The following COPB1 variants were observed in gnomAD, a reference collection of about 807,000 sequenced individuals.
COPB1 encodes coatomer subunit beta.
A neutral mutation model predicts 108.7 loss-of-function variants in COPB1; 21 were observed. The ratio of observed to expected loss-of-function variants is 0.19; its 90% CI spans 0.14 to 0.28. COPB1 has a LOEUF of 0.28. Among genes scored for constraint, COPB1 ranks in the 10% least tolerant of loss-of-function variants. The probability of loss-of-function intolerance (pLI) is 1.00; values close to 1 mark genes in which losing one functional copy is unlikely to be tolerated. For missense variants in COPB1, 919 were observed against 1,141.3 expected (o/e 0.81, Z 2.81); for synonymous variants, 378 against 386.8 (o/e 0.98, Z 0.27).
In COPB1 at chr11:14,464,900, C is replaced by T. The variant is rs1360771687; in HGVS notation, c.2410+11G>A. ...TATTCAAACATTACATGCCATAAAA[C>T]AGCACCTTACCTATATTACCAAAAA... On this transcript the variant is annotated intron_variant, in intron 18 of 21. Transcript: ENST00000439561. 1.9e-6 allele frequency: 3 copies of T among 1,609,944 alleles called. No homozygotes were observed. The highest frequency in any genetic ancestry group is 1.1e-5 in the South Asian group (1 of 90,920).
At chr11:14,477,841 G>A (rs911622588) in intron 11 of COPB1, among the ~76,000 whole-genome samples, 3 of 149,844 alleles carry the variant, frequency 2.0e-5, no homozygotes, top group Non-Finnish European at 4.4e-5. Context: ...CGGTTGCAGT[G>A]AGCCGAGATC....
intron 1 of COPB1, chr11:14,499,491 A>AG (rs1241227118): frequency 2.0e-5 from 3 of 151,218 alleles, no homozygotes; most frequent in African/African-American, 7.3e-5. Context: ...GGGTACGCCT[A>AG]GGGGTCTTGG....
chr11:14,461,470 T>C (rs1565010627), intron 18 of COPB1, 139 bp from the exon 19 acceptor site: 1 of 761,826 alleles, frequency 1.3e-6, no homozygotes, highest in Non-Finnish European at 2.0e-6. Flanking sequence ...CAGAGCTCTA[T>C]TCTACATGCT....
rs191111636 is a variant in COPB1 at position 14,462,389 on chromosome 11, C to T, written c.2411-1058G>A. ...CTGGGACCACAGGCGCCTGCCACCG[C>T]GCCTGGCTAATTTTTTGTATTTTTA... On this transcript the variant is annotated intron_variant, in intron 18 of 21. Coordinates refer to ENST00000439561, the MANE Select transcript of COPB1 (RefSeq NM_001144061.2). Among the ~76,000 whole-genome samples the T allele has an allele frequency of 2.6e-5, 4 of 152,140 alleles. No homozygotes were observed. The East Asian group carries it at 5.8e-4, about 22-fold the overall frequency.
intron 4 of COPB1, among the ~76,000 whole-genome samples, chr11:14,492,643 C>T (rs538319473): frequency 1.3e-5 from 2 of 152,156 alleles, no homozygotes; most frequent in Admixed American, 6.5e-5. Flanking sequence ...ACGCCTGGCT[C>T]ATCTACATTA....
chr11:14,493,910 A>G (rs1396806212), intron 3 of COPB1, 99 bp from the exon 4 acceptor site: 7 of 1,100,438 alleles, frequency 6.4e-6, no homozygotes, highest in Middle Eastern at 2.9e-4. Context: ...TACGTTTGAG[A>G]AAAAACCTAG....
chr11:14,469,613 G>C (rs1310721192), intron 14 of COPB1, 50 bp from the exon 15 acceptor site: 1 of 1,427,894 alleles, frequency 7.0e-7, no homozygotes, highest in Non-Finnish European at 9.8e-7. Context: ...TTCTCAGATT[G>C]CAATCATGTC....
chr11:14,490,662 A>G lies in COPB1; in HGVS notation c.509T>C (p.Ile170Thr), dbSNP rs1850878311. The G allele has an allele frequency of 1.2e-6, 2 of 1,603,868 alleles. No homozygotes were observed. The highest frequency in any genetic ancestry group is 8.5e-7 in the Non-Finnish European group (1 of 1,176,000). The change falls in exon 5 of 22, where the codon ATA (isoleucine) becomes ACA (threonine). Residue 170 changes from isoleucine (I) to threonine (T), a missense_variant. Ile to Thr is a moderately conservative substitution (Grantham distance 89). Around this residue, in one of 5 missense-constraint regions of COPB1, gnomAD observed 78 missense variants for 95.4 expected, o/e 0.82. Coordinates refer to ENST00000439561, the MANE Select transcript of COPB1 (RefSeq NM_001144061.2). ...YTIYRNFEHL[I>T]PDAPELIHDF... is the part of the protein sequence containing the mutation. Reference sequence around the variant, plus strand: ...ATGTATCAGTTCAGGAGCATCAGGTATAAGATGTTCAAAATTTCTTTAAAT... The same window carrying G: ...ATGTATCAGTTCAGGAGCATCAGGTGTAAGATGTTCAAAATTTCTTTAAAT...
At chr11:14,492,204 A>C (rs1039105453) in intron 4 of COPB1, among the ~76,000 whole-genome samples, 1 of 152,158 alleles carries the variant, frequency 6.6e-6, no homozygotes, top group African/African-American at 2.4e-5. Context: ...TCCTAATATC[A>C]AGACATAGTG....
chr11:14,462,429 T>C (rs1438775601), intron 18 of COPB1, among the ~76,000 whole-genome samples: 1 of 152,132 alleles, frequency 6.6e-6, no homozygotes, highest in Non-Finnish European at 1.5e-5. Flanking sequence ...AGATGTGGTT[T>C]CACCATCTTG....
chr11:14,490,860 G>A (rs1253644167), intron 4 of COPB1, among the ~76,000 whole-genome samples, 181 bp from the exon 5 acceptor site: 2 of 151,440 alleles, frequency 1.3e-5, no homozygotes, highest in African/African-American at 4.9e-5. Flanking sequence ...TGCGATCTCA[G>A]CTCACTGCTG....
chr11:14,477,896 C>CAAAAAAAA (rs1289045044), intron 11 of COPB1, among the ~76,000 whole-genome samples: 1 of 59,888 alleles, frequency 1.7e-5, no homozygotes, highest in African/African-American at 6.4e-5. Context: ...GACTCCATCT[C>CAAAAAAAA]AAAAAAAAAA....
chr11:14,475,768 T>C lies in COPB1; in HGVS notation c.1616+17A>G, dbSNP rs1850507232. On this transcript the variant is annotated intron_variant, in intron 13 of 21. Coordinates refer to ENST00000439561, the MANE Select transcript of COPB1 (RefSeq NM_001144061.2). ...TAAAAGTAGTACAGCTGGCAGGGTA[T>C]ATGTGCCATAAATTACCTGTCTTCC... 1 of 1,541,406 alleles carries C rather than the reference T, an allele frequency of 6.5e-7. No homozygotes were observed. The highest frequency in any genetic ancestry group is 8.7e-7 in the Non-Finnish European group (1 of 1,146,044).
chr11:14,476,777 T>A (rs990598910), intron 12 of COPB1, 142 bp downstream of exon 12: 14 of 572,980 alleles, frequency 2.4e-5, no homozygotes, highest in Middle Eastern at 4.8e-4. Flanking sequence ...TTTTTTTTTT[T>A]TTTTTAATAA....
intron 21 of COPB1, 36 bp from the exon 22 acceptor site, chr11:14,457,919 A>G: frequency 7.9e-7 from 1 of 1,259,504 alleles, no homozygotes; most frequent in South Asian, 1.3e-5. Context: ...TAATTATTTA[A>G]ACTATGTACA....
chr11:14,477,834 T>C (rs11023236), intron 11 of COPB1, among the ~76,000 whole-genome samples: 4 of 150,676 alleles, frequency 2.7e-5, no homozygotes, highest in East Asian at 3.9e-4. Flanking sequence ...GAGGCGGCGG[T>C]TGCAGTGAGC....
chr11:14,458,761 G>T, intron 20 of COPB1, 74 bp from the exon 21 acceptor site: 9 of 1,237,784 alleles, frequency 7.3e-6, no homozygotes, highest in South Asian at 1.6e-5. Context: ...CAGCATAGGT[G>T]ACTTTTTTTT....
intron 12 of COPB1, 61 bp downstream of exon 12, chr11:14,476,858 G>A: frequency 9.7e-7 from 1 of 1,029,630 alleles, no homozygotes; most frequent in Admixed American, 1.9e-5. Context: ...ACTATAAAAA[G>A]TCAGATTTTC....
chr11:14,474,764 G>GT, intron 13 of COPB1, 149 bp from the exon 14 acceptor site: 1 of 1,200,520 alleles, frequency 8.3e-7, no homozygotes, highest in Non-Finnish European at 1.1e-6. Flanking sequence ...TTAGCTCCCA[G>GT]AAGAAAGAAG....
Sources: gnomAD v4.1 joint callset for allele counts (sites outside exome capture counted in the v4.1 genomes callset) on GRCh38, gnomAD v4.1.1 for gene constraint, gnomAD v4.1.1 regional missense constraint, MANE v1.5 for transcripts, NCBI Gene and HGNC (gene_info 2026-07-23, HGNC 2026-07-21) for gene names.